HNRNPAB: variants seen among roughly 807,000 people sequenced by gnomAD.
HNRNPAB encodes the protein heterogeneous nuclear ribonucleoprotein A/B, also known as ABBP-1.
In HNRNPAB, 17 loss-of-function variants were observed where a neutral mutation model predicts 44.1. The observed-to-expected ratio is 0.39, with a 90% CI of 0.26 to 0.58. The LOEUF (loss-of-function observed/expected upper bound fraction) is 0.58, where lower values mean the gene tolerates loss of function less well. Ranked by LOEUF, HNRNPAB falls within the 20% of genes least tolerant of loss-of-function variation. The pLI is 0.63. For synonymous variants in HNRNPAB, 183 were observed against 167.6 expected (o/e 1.09, Z -0.71); for missense variants, 393 against 432.7 (o/e 0.91, Z 0.81).
In HNRNPAB at chr5:178,210,716, T is replaced by A. The variant is rs1156498589; in HGVS notation, c.*93T>A. 1.1e-6 allele frequency: 1 copy of A among 940,778 alleles called. No homozygotes were observed. The highest frequency in any genetic ancestry group is 1.8e-5 in the Admixed American group (1 of 54,532). The allele number at this position is 940,778 out of a possible 1,614,324, so 58.3% of individuals were successfully genotyped here. On this transcript the variant is annotated 3_prime_UTR_variant, in exon 8 of 8. Transcript: ENST00000358344. ...GTACCAAATTTAACTTGGCAAACTT[T>A]CTATTGCCTGTCCCATGTGCATCTT...
rs1297273742 is a variant in HNRNPAB at position 178,211,119 on chromosome 5, A to G, written c.*496A>G. The stretch of plus-strand genomic sequence containing the variant: ...GTCCTGATTTTGCCACAACCTGGAT[A>G]TTGAAGCTATCCAAGCTTTTGAAAT... On this transcript the variant is annotated 3_prime_UTR_variant, in exon 8 of 8. Transcript: ENST00000358344. 5.1e-5 allele frequency: 8 copies of G among 158,288 alleles called. No individual in the cohort carries two copies. The highest frequency in any genetic ancestry group is 1.4e-5 in the Non-Finnish European group (1 of 72,024). 9.8% of individuals were successfully genotyped at this position (158,288 alleles called of 1,614,324 possible). A position where few individuals can be genotyped will look rare whatever the true frequency, so the allele number is the denominator to read the frequency against.
rs1409261065 is a variant in HNRNPAB, at chr5:178,210,803, T to C, written c.*180T>C. ...GACTATTTCCAGAGCTCTAGGTGTTTAGGCAGCGTGTGGTGTCTGAGAGGC... is the reference window on the plus strand; with the variant it reads ...GACTATTTCCAGAGCTCTAGGTGTTCAGGCAGCGTGTGGTGTCTGAGAGGC... On this transcript the variant is annotated 3_prime_UTR_variant, in exon 8 of 8. Transcript: ENST00000358344. 1.3e-5 allele frequency: 8 copies of C among 621,348 alleles called. No homozygotes were observed. Among genetic ancestry groups the C allele is most frequent in the African/African-American group, 5.5e-5 (3 of 54,640 alleles). 38.5% of individuals were successfully genotyped at this position (621,348 alleles called of 1,614,324 possible). A position where few individuals can be genotyped will look rare whatever the true frequency, so the allele number is the denominator to read the frequency against.
intron 5 of HNRNPAB, 91 bp downstream of exon 5, chr5:178,207,316 C>T: frequency 6.7e-7 from 1 of 1,492,556 alleles, no homozygotes; most frequent in South Asian, 1.2e-5. Context: ...CATGCAGGAG[C>T]TCTCCAGGTT....
Position 178,204,618 on chromosome 5 carries a change from G to A in HNRNPAB, c.-146G>A. The A allele has an allele frequency of 3.6e-6, 1 of 278,470 alleles. No homozygotes were observed. Among genetic ancestry groups the A allele is most frequent in the Middle Eastern group, 1.0e-3 (1 of 960 alleles). 17.2% of individuals were successfully genotyped at this position (278,470 alleles called of 1,614,324 possible). A position where few individuals can be genotyped will look rare whatever the true frequency, so the allele number is the denominator to read the frequency against. On this transcript the variant is annotated 5_prime_UTR_variant, in exon 1 of 8. Coordinates refer to ENST00000358344, the MANE Select transcript of HNRNPAB (RefSeq NM_031266.3). ...CGGCCAAGGAGGAGGAGACACAGTT[G>A]GAGCAGCTCCGTGGGCTGACTGGGG...
intron 6 of HNRNPAB, among the ~76,000 whole-genome samples, 153 bp downstream of exon 6, chr5:178,209,600 G>A (rs902004680): frequency 6.6e-6 from 1 of 152,206 alleles, no homozygotes; most frequent in African/African-American, 2.4e-5. Context: ...TCTGGGTCAG[G>A]GCTGTATGCT....
Position 178,206,786 on chromosome 5 carries a change from G to A in HNRNPAB, c.433G>A (p.Ala145Thr). 6.2e-7 allele frequency: 1 copy of A among 1,614,172 alleles called. No individual in the cohort carries two copies. The highest frequency in any genetic ancestry group is 8.5e-7 in the Non-Finnish European group (1 of 1,180,014). The change falls in exon 4 of 8, where the codon GCC becomes ACC. Residue 145 changes from alanine (A) to threonine (T), a missense_variant. Ala to Thr is a moderately conservative substitution (Grantham distance 58, BLOSUM62 0). Transcript: ENST00000358344. Reference sequence around the variant, plus strand: ...TGGCCGTGTCATTGACCCTAAAAAGGCCATGGCTATGAAGAAGGACCCGGT... The same window carrying A: ...TGGCCGTGTCATTGACCCTAAAAAGACCATGGCTATGAAGAAGGACCCGGT... Reference protein sequence around the residue: ...LDGRVIDPKKAMAMKKDPVKK... With the variant: ...LDGRVIDPKKTMAMKKDPVKK...
At chr5:178,207,743 T>C (rs1041204681) in intron 5 of HNRNPAB, among the ~76,000 whole-genome samples, 2 of 131,538 alleles carry the variant, frequency 1.5e-5, no homozygotes, top group Non-Finnish European at 3.1e-5. Flanking sequence ...TGCTTTGTTG[T>C]CCAGGCTGGG....
At chr5:178,209,850 G>C (rs1757642568) in intron 6 of HNRNPAB, among the ~76,000 whole-genome samples, 2 of 152,106 alleles carry the variant, frequency 1.3e-5, no homozygotes, top group Non-Finnish European at 2.9e-5. Flanking sequence ...TCTTTTTAAA[G>C]GCTAAGCTGC....
At chr5:178,206,472 G>C (rs1735362131) in intron 3 of HNRNPAB, among the ~76,000 whole-genome samples, 1 of 152,208 alleles carries the variant, frequency 6.6e-6, no homozygotes, top group Non-Finnish European at 1.5e-5. Context: ...TTCGCTTCTG[G>C]AGATGGGCCT....
intron 5 of HNRNPAB, chr5:178,208,403 CTA>C (rs1367951131): frequency 1.3e-5 from 2 of 152,266 alleles, no homozygotes; most frequent in Admixed American, 6.5e-5. Flanking sequence ...GCCTTTTTCT[CTA>C]TGTGCCATAA....
rs755111654 is a variant in HNRNPAB at position 178,210,231 on chromosome 5, C to T, written c.887C>T (p.Ser296Leu). The stretch of plus-strand genomic sequence containing the variant: ...CCTGGCTATGGCGGCTACGACTACT[C>T]GCCCTATGGCTATTACGGCTACGGC... ...YGPGYGGYDY[S>L]PYGYYGYGPG... The change falls in exon 7 of 8, where the codon TCG becomes TTG. Residue 296 changes from serine (S) to leucine (L), a missense_variant. Physicochemically the swap from Ser to Leu is moderately radical, Grantham distance 145. Around this residue, in one of 3 missense-constraint regions of HNRNPAB, gnomAD observed 210 missense variants for 196.9 expected, o/e 1.07. Coordinates refer to ENST00000358344, the MANE Select transcript of HNRNPAB (RefSeq NM_031266.3). 2.5e-5 allele frequency: 40 copies of T among 1,612,748 alleles called. No homozygotes were observed. The African/African-American group carries it at 3.5e-4, about 14-fold the overall frequency.
In HNRNPAB at chr5:178,207,084, C is replaced by T. The variant is rs764541598; in HGVS notation, c.538-10C>T. 3.1e-6 allele frequency: 5 copies of T among 1,613,770 alleles called. No homozygotes were observed. In the African/African-American group the frequency reaches 5.3e-5, roughly 17 times the overall value. On this transcript the variant is annotated splice_polypyrimidine_tract_variant and intron_variant, in intron 4 of 7. Coordinates refer to ENST00000358344, the MANE Select transcript of HNRNPAB (RefSeq NM_031266.3). ...GGTATTGGGCCTGAGTTTGCCTATG[C>T]TTTTTGCAGATTGAGGCCATTGAAT...
rs773185910 is a variant in HNRNPAB at position 178,205,852 on chromosome 5, G to A, written c.220G>A (p.Val74Ile). Residue 74 changes from valine to isoleucine, a missense_variant, in exon 3 of 8, where the codon GTT becomes ATT. Val to Ile is a conservative substitution (Grantham distance 29). Transcript: ENST00000358344. ...KNEEDAGKMF[V>I]GGLSWDTSKK... The stretch of plus-strand genomic sequence containing the variant: ...ACCCTACCATTTCAGAAAAATGTTC[G>A]TTGGTGGCCTGAGCTGGGATACTAG... 2 of 1,613,166 alleles carry A rather than the reference G, an allele frequency of 1.2e-6. No homozygotes were observed. Among genetic ancestry groups the A allele is most frequent in the Non-Finnish European group, 1.7e-6 (2 of 1,179,572 alleles).
intron 5 of HNRNPAB, 120 bp downstream of exon 5, chr5:178,207,345 C>T (rs1417741934): frequency 8.3e-7 from 1 of 1,203,990 alleles, no homozygotes; most frequent in Non-Finnish European, 1.2e-6. Context: ...TTTACTATTT[C>T]TCTGAAGCGT....
In HNRNPAB at chr5:178,210,716, T is replaced by C. The variant is rs1156498589; in HGVS notation, c.*93T>C. ...GTACCAAATTTAACTTGGCAAACTT[T>C]CTATTGCCTGTCCCATGTGCATCTT... On this transcript the variant is annotated 3_prime_UTR_variant, in exon 8 of 8. Transcript: ENST00000358344. 1.1e-5 allele frequency: 10 copies of C among 940,660 alleles called. No homozygotes were observed. Among genetic ancestry groups the C allele is most frequent in the Non-Finnish European group, 1.6e-5 (9 of 578,902 alleles). 58.3% of individuals were successfully genotyped at this position (940,660 alleles called of 1,614,324 possible).
chr5:178,209,012 G>C, intron 5 of HNRNPAB: 1 of 293,120 alleles, frequency 3.4e-6, no homozygotes, highest in Non-Finnish European at 6.6e-6. Context: ...AAGGTGTGGT[G>C]CCTGGTCCCA....
chr5:178,207,854 C>T (rs1358942549), intron 5 of HNRNPAB, among the ~76,000 whole-genome samples: 1 of 152,052 alleles, frequency 6.6e-6, no homozygotes, highest in Non-Finnish European at 1.5e-5. Flanking sequence ...AGGCATGTAC[C>T]ACCATGCCTG....
intron 2 of HNRNPAB, chr5:178,205,613 C>A: frequency 2.0e-6 from 1 of 496,428 alleles, no homozygotes; most frequent in Non-Finnish European, 3.6e-6. Context: ...TGAGGTGGTC[C>A]CTTCTTTGCT....
chr5:178,210,058 G>T, intron 6 of HNRNPAB, 74 bp from the exon 7 acceptor site: 2 of 1,579,046 alleles, frequency 1.3e-6, no homozygotes, highest in Non-Finnish European at 1.7e-6. Context: ...ACCCCAAAGG[G>T]CAGGATTTCC....
Sources: gnomAD v4.1 joint callset for allele counts (sites outside exome capture counted in the v4.1 genomes callset) on GRCh38, gnomAD v4.1.1 for gene constraint, gnomAD v4.1.1 regional missense constraint, MANE v1.5 for transcripts, NCBI Gene and HGNC (gene_info 2026-07-23, HGNC 2026-07-21) for gene names.